KHDRBS2: variants seen among roughly 807,000 people sequenced by gnomAD.
The protein encoded by KHDRBS2 is KH domain-containing, RNA-binding, signal transduction-associated protein 2.
KHDRBS2 carries 26 observed loss-of-function variants against 44.3 expected under a neutral mutation model. That is an observed-to-expected ratio of 0.59 (90% CI 0.43 to 0.81). The LOEUF (loss-of-function observed/expected upper bound fraction) is 0.81. Among genes scored for constraint, KHDRBS2 ranks in the 40% least tolerant of loss-of-function variants. The pLI is 0.00. For synonymous variants in KHDRBS2, 194 were observed against 151.1 expected (o/e 1.28, Z -2.08); for missense variants, 476 against 433.1 (o/e 1.10, Z -0.88).
intron 4 of KHDRBS2, among the ~76,000 whole-genome samples, chr6:61,920,516 G>C (rs563088417): frequency 2.6e-5 from 4 of 151,950 alleles, no homozygotes; most frequent in Admixed American, 2.6e-4. Flanking sequence ...TTTCTTTAAA[G>C]AATTTTAGTT....
chr6:62,146,017 A>G (rs1247446709), intron 2 of KHDRBS2, among the ~76,000 whole-genome samples: 1 of 151,898 alleles, frequency 6.6e-6, no homozygotes, highest in Non-Finnish European at 1.5e-5. Context: ...CCCTACTCAT[A>G]GGTCAGCTAA....
intron 1 of KHDRBS2, among the ~76,000 whole-genome samples, chr6:62,230,843 T>C (rs1048018500): frequency 1.3e-5 from 2 of 152,164 alleles, no homozygotes; most frequent in African/African-American, 4.8e-5. Context: ...TACTTTATTT[T>C]TTACTTAATA....
intron 2 of KHDRBS2, among the ~76,000 whole-genome samples, chr6:62,131,412 T>A (rs1810286364): frequency 6.6e-6 from 1 of 152,176 alleles, no homozygotes; most frequent in Non-Finnish European, 1.5e-5. Context: ...CTTATGAAGA[T>A]TAGAGTAGTG....
chr6:62,007,505 C>A (rs891688243), intron 3 of KHDRBS2, among the ~76,000 whole-genome samples: 4 of 151,890 alleles, frequency 2.6e-5, no homozygotes, highest in African/African-American at 9.6e-5. Flanking sequence ...ATGACACAGA[C>A]CACATTTTTA....
At chr6:62,036,034 T>A (rs913681550) in intron 3 of KHDRBS2, among the ~76,000 whole-genome samples, 1 of 151,984 alleles carries the variant, frequency 6.6e-6, no homozygotes, top group African/African-American at 2.4e-5. Flanking sequence ...GCTCTAGACA[T>A]GAAGATTTCC....
chr6:62,172,698 G>GAAAAAA (rs33984802), intron 2 of KHDRBS2, among the ~76,000 whole-genome samples: 4 of 73,460 alleles, frequency 5.4e-5, no homozygotes, highest in Admixed American at 1.9e-4. Flanking sequence ...CCAGCAAACT[G>GAAAAAA]AAAAAAAAAA....
In KHDRBS2 at chr6:62,285,842, TG is replaced by T; in HGVS notation, c.91+15del. ...GCAGCCGGCGGTTTGTGCCCATCTG[TG>T]GGGGCAAGTCCTACCTTCTGCCAAA... On this transcript the variant is annotated intron_variant, in intron 1 of 8. Coordinates refer to ENST00000281156, the MANE Select transcript of KHDRBS2 (RefSeq NM_152688.4). 2.5e-6 allele frequency: 4 copies of T among 1,598,916 alleles called. No homozygotes were observed. Among genetic ancestry groups the T allele is most frequent in the Non-Finnish European group, 3.4e-6 (4 of 1,168,516 alleles).
the KHDRBS2 span, among the ~76,000 whole-genome samples, chr6:61,620,747 T>G: frequency 6.6e-6 from 1 of 152,296 alleles, no homozygotes; most frequent in African/African-American, 2.4e-5. Context: ...TCCCAGCTGA[T>G]AGCTGAAATC....
At chr6:61,894,128 T>C (rs1167958340) in intron 6 of KHDRBS2, among the ~76,000 whole-genome samples, 2 of 152,146 alleles carry the variant, frequency 1.3e-5, no homozygotes, top group Non-Finnish European at 2.9e-5. Context: ...CTGCATTTTG[T>C]CTATTCATTG....
At chr6:61,752,763 C>G (rs1777905837) in intron 6 of KHDRBS2, among the ~76,000 whole-genome samples, 1 of 143,170 alleles carries the variant, frequency 7.0e-6, no homozygotes, top group Admixed American at 7.0e-5. Flanking sequence ...AGAGAATAAA[C>G]AAAAAGATTA....
chr6:62,060,593 C>T lies in KHDRBS2; in HGVS notation c.220-12599G>A, dbSNP rs1188640833. Among the ~76,000 whole-genome samples, 31 of 126,480 alleles carry T rather than the reference C, an allele frequency of 2.5e-4. No individual in the cohort carries two copies. The East Asian group carries it at 5.8e-3, about 24-fold the overall frequency. The allele number at this position is 126,480 out of a possible 152,430, so 83.0% of individuals were successfully genotyped here. ...CATTATAAAATGAAATAGTAAAGGT[C>T]TCTCTCTCTCTCTCTGTCTCTCTCT... On this transcript the variant is annotated intron_variant, in intron 2 of 8. Coordinates refer to ENST00000281156, the MANE Select transcript of KHDRBS2 (RefSeq NM_152688.4).
At chr6:61,582,433 G>T in the KHDRBS2 span, among the ~76,000 whole-genome samples, 1 of 151,626 alleles carries the variant, frequency 6.6e-6, no homozygotes, top group Admixed American at 6.6e-5. Context: ...TCAGAATAAA[G>T]TATAATGCCA....
chr6:62,233,982 A>AT (rs1168080818), intron 1 of KHDRBS2, among the ~76,000 whole-genome samples: 1 of 151,796 alleles, frequency 6.6e-6, no homozygotes, highest in African/African-American at 2.4e-5. Flanking sequence ...AATGATTTAT[A>AT]TTTTTTTGAG....
chr6:61,568,188 C>T, the KHDRBS2 span, among the ~76,000 whole-genome samples: 2 of 152,006 alleles, frequency 1.3e-5, no homozygotes, highest in African/African-American at 4.8e-5. Context: ...TAATCTGTTC[C>T]ATTGATTTAT....
At chr6:61,573,937 A>T in the KHDRBS2 span, among the ~76,000 whole-genome samples, 1 of 152,238 alleles carries the variant, frequency 6.6e-6, no homozygotes, top group African/African-American at 2.4e-5. Flanking sequence ...ATTAAAAAAG[A>T]CACATAGACC....
At chr6:61,711,932 C>T (rs1938393) in intron 7 of KHDRBS2, among the ~76,000 whole-genome samples, 121,465 of 151,710 alleles carry the variant, frequency 0.8, 49,151 homozygotes, top group African/African-American at 0.91. Context: ...AATTACTTAG[C>T]TCATGTGCTT....
intron 2 of KHDRBS2, among the ~76,000 whole-genome samples, chr6:62,132,649 C>T (rs931962623): frequency 3.9e-5 from 6 of 152,130 alleles, no homozygotes. Context: ...AAAAATAAAT[C>T]TGCCCCATAA....
At chr6:61,566,097 A>G in the KHDRBS2 span, among the ~76,000 whole-genome samples, 2 of 151,996 alleles carry the variant, frequency 1.3e-5, no homozygotes, top group Admixed American at 6.6e-5. Flanking sequence ...AATGCCATGG[A>G]TGGAACTGAA....
At chr6:61,884,109 G>A (rs570081926) in intron 6 of KHDRBS2, among the ~76,000 whole-genome samples, 1 of 152,110 alleles carries the variant, frequency 6.6e-6, no homozygotes, top group African/African-American at 2.4e-5. Context: ...GAAACTGAGG[G>A]TTGGCAGCCT....
Sources: gnomAD v4.1 joint callset for allele counts (sites outside exome capture counted in the v4.1 genomes callset) on GRCh38, gnomAD v4.1.1 for gene constraint, MANE v1.5 for transcripts, NCBI Gene and HGNC (gene_info 2026-07-23, HGNC 2026-07-21) for gene names.